The following KCNMB2 variants were observed in gnomAD, a reference collection of about 807,000 sequenced individuals.
KCNMB2 encodes potassium calcium-activated channel subfamily M regulatory beta subunit 2.
Under a neutral mutation model 24.5 loss-of-function variants are expected in KCNMB2, and 9 were observed. The observed-to-expected ratio is 0.37, with a 90% CI of 0.22 to 0.64. KCNMB2 has a LOEUF of 0.64. Ranked by LOEUF, KCNMB2 falls within the 30% of genes least tolerant of loss-of-function variation. The pLI is 0.63. For synonymous variants in KCNMB2, 109 were observed against 104.4 expected (o/e 1.04, Z -0.27); for missense variants, 226 against 284.3 (o/e 0.79, Z 1.47).
intron 1 of KCNMB2, among the ~76,000 whole-genome samples, chr3:178,660,912 T>C (rs1720501993): frequency 6.6e-6 from 1 of 152,120 alleles, no homozygotes; most frequent in Non-Finnish European, 1.5e-5. Context: ...GATCCTTCTA[T>C]GTCCCTCTAG....
intron 1 of KCNMB2, among the ~76,000 whole-genome samples, chr3:178,766,342 T>C (rs371628428): frequency 6.6e-6 from 1 of 152,062 alleles, no homozygotes; most frequent in African/African-American, 2.4e-5. Context: ...TAGAGGTGTA[T>C]ACCACTACAC....
At chr3:178,593,189 G>C (rs372571660) in intron 1 of KCNMB2, among the ~76,000 whole-genome samples, 1 of 151,726 alleles carries the variant, frequency 6.6e-6, no homozygotes, top group Non-Finnish European at 1.5e-5. Flanking sequence ...TCAATTATAT[G>C]GCACATATTC....
At chr3:178,701,592 CA>C (rs1722098310) in intron 1 of KCNMB2, among the ~76,000 whole-genome samples, 1 of 151,904 alleles carries the variant, frequency 6.6e-6, no homozygotes. Context: ...ACAACCCCAT[CA>C]AAAAGTGGGT....
chr3:178,643,077 A>C (rs1577067820), intron 1 of KCNMB2, among the ~76,000 whole-genome samples: 1 of 152,252 alleles, frequency 6.6e-6, no homozygotes, highest in Non-Finnish European at 1.5e-5. Context: ...CAACTCAGCA[A>C]TAAAAAGGAA....
chr3:178,814,511 TG>T (rs1714327720), intron 2 of KCNMB2, among the ~76,000 whole-genome samples: 2 of 152,202 alleles, frequency 1.3e-5, no homozygotes, highest in African/African-American at 4.8e-5. Flanking sequence ...TTATGGTTGC[TG>T]GGTCAAATGG....
chr3:178,774,282 T>C (rs930500117), intron 1 of KCNMB2, among the ~76,000 whole-genome samples: 1 of 152,128 alleles, frequency 6.6e-6, no homozygotes, highest in African/African-American at 2.4e-5. Flanking sequence ...TGTCTACACC[T>C]TTCTTTGGAC....
intron 1 of KCNMB2, among the ~76,000 whole-genome samples, chr3:178,702,893 T>G (rs1291373518): frequency 1.3e-5 from 2 of 152,164 alleles, no homozygotes; most frequent in Non-Finnish European, 2.9e-5. Flanking sequence ...TTAAGTAGCT[T>G]TATCCTACCT....
intron 1 of KCNMB2, among the ~76,000 whole-genome samples, chr3:178,741,006 A>G (rs1416647213): frequency 6.6e-6 from 1 of 152,224 alleles, no homozygotes; most frequent in Non-Finnish European, 1.5e-5. Context: ...AGGCAAGGAG[A>G]GGAGAAACGC....
At chr3:178,721,100 G>A (rs1354018322) in intron 1 of KCNMB2, among the ~76,000 whole-genome samples, 1 of 152,122 alleles carries the variant, frequency 6.6e-6, no homozygotes, top group Non-Finnish European at 1.5e-5. Context: ...GGGTTTTTAT[G>A]GTTTTAGGTC....
intron 1 of KCNMB2, among the ~76,000 whole-genome samples, chr3:178,612,359 C>G: frequency 6.6e-6 from 1 of 152,082 alleles, no homozygotes; most frequent in East Asian, 1.9e-4. Flanking sequence ...AAGTCCCCAG[C>G]TATTATTATA....
At chr3:178,541,849 A>G (rs1468723044) in intron 1 of KCNMB2, among the ~76,000 whole-genome samples, 3 of 152,150 alleles carry the variant, frequency 2.0e-5, no homozygotes, top group African/African-American at 7.2e-5. Context: ...TCATAAAGCA[A>G]CCTTTTTCGA....
At chr3:178,602,341 C>T (rs928123638) in intron 1 of KCNMB2, among the ~76,000 whole-genome samples, 1 of 152,040 alleles carries the variant, frequency 6.6e-6, no homozygotes, top group East Asian at 1.9e-4. Context: ...TGGTGATTTA[C>T]CTACTATATG....
chr3:178,561,554 A>T (rs1716318122), intron 1 of KCNMB2, among the ~76,000 whole-genome samples: 2 of 152,164 alleles, frequency 1.3e-5, no homozygotes, highest in South Asian at 4.1e-4. Flanking sequence ...ATCAGATGAG[A>T]TGAGTGATAA....
chr3:178,570,340 C>T (rs554855497), intron 1 of KCNMB2, among the ~76,000 whole-genome samples: 2 of 151,980 alleles, frequency 1.3e-5, no homozygotes, highest in East Asian at 1.9e-4. Context: ...TCAAAAAAGT[C>T]CCCCACAATT....
chr3:178,693,274 G>T (rs1721751631), intron 1 of KCNMB2, among the ~76,000 whole-genome samples: 2 of 152,106 alleles, frequency 1.3e-5, no homozygotes, highest in African/African-American at 4.8e-5. Flanking sequence ...TGGCCAGGAT[G>T]TCCAATACTA....
intron 1 of KCNMB2, among the ~76,000 whole-genome samples, chr3:178,584,801 C>T (rs758402436): frequency 7.9e-5 from 12 of 151,880 alleles, no homozygotes; most frequent in African/African-American, 1.2e-4. Context: ...ATTATGTAAG[C>T]GACACCCATT....
chr3:178,755,852 A>G (rs1047271828), intron 1 of KCNMB2, among the ~76,000 whole-genome samples: 1 of 152,334 alleles, frequency 6.6e-6, no homozygotes, highest in East Asian at 1.9e-4. Flanking sequence ...TGCCTAAAAT[A>G]TTATATTTCA....
chr3:178,760,071 T>G (rs1253320038), intron 1 of KCNMB2, among the ~76,000 whole-genome samples: 1 of 46,632 alleles, frequency 2.1e-5, no homozygotes, highest in African/African-American at 1.2e-4. Context: ...TATATATATA[T>G]ATATAGCCAA....
intron 1 of KCNMB2, among the ~76,000 whole-genome samples, chr3:178,771,669 C>T (rs1044504441): frequency 6.6e-6 from 1 of 151,638 alleles, no homozygotes; most frequent in South Asian, 2.1e-4. Flanking sequence ...TCTAATGCAC[C>T]TCCCCCACTT....
Sources: allele counts gnomAD v4.1 joint callset (sites outside exome capture counted in the v4.1 genomes callset), GRCh38; gene constraint gnomAD v4.1.1; transcripts MANE v1.5; gene names NCBI Gene and HGNC (gene_info 2026-07-23, HGNC 2026-07-21).